Variants in PPFIBP2 observed in about 807,000 individuals in gnomAD.
PPFIBP2 encodes the protein liprin-beta-2.
Under a neutral mutation model 118.3 loss-of-function variants are expected in PPFIBP2, and 118 were observed. The ratio of observed to expected loss-of-function variants is 1.00; its 90% CI spans 0.86 to 1.16. The LOEUF (loss-of-function observed/expected upper bound fraction) is 1.16. PPFIBP2 is among the 50% of genes most tolerant of loss of function. The pLI, the probability that PPFIBP2 is intolerant of heterozygous loss-of-function variation, is 0.00. For missense variants in PPFIBP2, 1,195 were observed against 1,073.1 expected (o/e 1.11, Z -1.59); for synonymous variants, 414 against 397.4 (o/e 1.04, Z -0.50).
intron 2 of PPFIBP2, 70 bp downstream of exon 2, chr11:7,549,609 C>CCTT: frequency 6.1e-6 from 7 of 1,142,966 alleles, no homozygotes; most frequent in Non-Finnish European, 8.1e-6. Flanking sequence ...TCTCCTTTTA[C>CCTT]TTTTTTTTTT....
chr11:7,638,917 A>G (rs190475283), intron 14 of PPFIBP2, among the ~76,000 whole-genome samples: 3 of 152,316 alleles, frequency 2.0e-5, no homozygotes, highest in East Asian at 1.9e-4. Context: ...CGTGCAGACT[A>G]TGATCCTAAG....
At chr11:7,520,563 A>T in intron 1 of PPFIBP2, among the ~76,000 whole-genome samples, 1 of 151,490 alleles carries the variant, frequency 6.6e-6, no homozygotes. Flanking sequence ...CGTGTTTGAA[A>T]TCCTCTGGTG....
intron 2 of PPFIBP2, among the ~76,000 whole-genome samples, chr11:7,562,357 A>T (rs191672425): frequency 6.6e-6 from 1 of 152,306 alleles, no homozygotes; most frequent in East Asian, 1.9e-4. Context: ...GGACTTTTCC[A>T]TAGGGATGAT....
chr11:7,527,743 A>G (rs988558950), intron 1 of PPFIBP2, among the ~76,000 whole-genome samples: 2 of 152,160 alleles, frequency 1.3e-5, no homozygotes, highest in Non-Finnish European at 2.9e-5. Context: ...ATGGGGCTGA[A>G]GGGAATTGCT....
chr11:7,522,979 T>C (rs190015368), intron 1 of PPFIBP2, among the ~76,000 whole-genome samples: 1 of 152,250 alleles, frequency 6.6e-6, no homozygotes, highest in East Asian at 1.9e-4. Flanking sequence ...TCATGAGAAG[T>C]TGCCTCTTAT....
intron 15 of PPFIBP2, chr11:7,641,092 G>A (rs1249638950): frequency 7.9e-7 from 1 of 1,258,274 alleles, no homozygotes; most frequent in East Asian, 5.5e-5. Context: ...AGGTGAGGTG[G>A]AGAGTGAGAA....
rs1565097256 is a variant in PPFIBP2, at chr11:7,634,523, G to A, written c.1165G>A (p.Glu389Lys). ...TCAGAAAAAGCTCTCTTGTAGTCTA[G>A]AAGACTTGAGAAGTGAATCTGTGGA... ...RAQKKLSCSL[E>K]DLRSESVDKC... Residue 389 changes from glutamate to lysine, a missense_variant, in exon 13 of 24, where the codon GAA becomes AAA. By Grantham distance (56) the Glu-to-Lys change is moderately conservative (BLOSUM62 1). Transcript: ENST00000299492. 1 of 1,613,304 alleles carries A rather than the reference G, an allele frequency of 6.2e-7. No individual in the cohort carries two copies. The highest frequency in any genetic ancestry group is 8.5e-7 in the Non-Finnish European group (1 of 1,179,380).
In PPFIBP2 at chr11:7,631,002, G is replaced by T. The variant is rs1850685663; in HGVS notation, c.1042G>T (p.Asp348Tyr). ...GFSKWNATNK[D>Y]PEELFKQEMP... The stretch of plus-strand genomic sequence containing the variant: ...CAGCAAGTGGAACGCTACAAATAAG[G>T]ACCCTGAAGAATTATTTAAACAAGA... The change falls in exon 11 of 24, where the codon GAC (aspartate) becomes TAC (tyrosine). Residue 348 changes from aspartate (D) to tyrosine (Y), a missense_variant. Asp to Tyr is a radical substitution (Grantham distance 160, BLOSUM62 -3). Coordinates refer to ENST00000299492, the MANE Select transcript of PPFIBP2 (RefSeq NM_003621.5). The T allele has an allele frequency of 1.2e-6, 2 of 1,613,504 alleles. No individual in the cohort carries two copies. Among genetic ancestry groups the T allele is most frequent in the Non-Finnish European group, 1.7e-6 (2 of 1,179,570 alleles).
intron 14 of PPFIBP2, 52 bp from the exon 15 acceptor site, chr11:7,639,680 C>T: frequency 2.5e-6 from 4 of 1,611,126 alleles, no homozygotes; most frequent in Non-Finnish European, 2.5e-6. Context: ...GATTTCCTAA[C>T]TGAGGCTGAC....
chr11:7,628,230 C>G, intron 8 of PPFIBP2, 55 bp from the exon 9 acceptor site: 1 of 1,461,480 alleles, frequency 6.8e-7, no homozygotes, highest in Admixed American at 1.7e-5. Context: ...ATAGCAAGTG[C>G]GGATAGCTGT....
intron 3 of PPFIBP2, among the ~76,000 whole-genome samples, chr11:7,589,508 G>T (rs554370073): frequency 1.3e-5 from 2 of 151,934 alleles, no homozygotes; most frequent in South Asian, 2.1e-4. Flanking sequence ...CAGGAGGATC[G>T]CTTGAACCCA....
chr11:7,603,249 T>A (rs1210699563), intron 5 of PPFIBP2, among the ~76,000 whole-genome samples: 1 of 152,238 alleles, frequency 6.6e-6, no homozygotes, highest in Non-Finnish European at 1.5e-5. Context: ...AATGAGTTTC[T>A]TCATGCTTAT....
At position 7,616,418 on chromosome 11, in the gene PPFIBP2, A is replaced by G. The variant is rs566326478; in HGVS notation, c.619-4517A>G. The stretch of plus-strand genomic sequence containing the variant: ...GGGGCCAACTCTATGATGGTTTGCA[A>G]GAAGGGAGGAGACAAAGTAGGGATC... On this transcript the variant is annotated intron_variant, in intron 6 of 23. Transcript: ENST00000299492. The surrounding 1 kb of genome is among the most constrained non-coding windows in gnomAD (Gnocchi z 5.2). Among the ~76,000 whole-genome samples the G allele has an allele frequency of 6.6e-6, 1 of 152,326 alleles. No homozygotes were observed. The highest frequency in any genetic ancestry group is 6.5e-5 in the Admixed American group (1 of 15,300).
chr11:7,565,065 C>T (rs545825301), intron 2 of PPFIBP2, among the ~76,000 whole-genome samples: 27 of 152,132 alleles, frequency 1.8e-4, no homozygotes, highest in African/African-American at 5.5e-4. Flanking sequence ...ACTGTCTAAA[C>T]GTAGTTTATG....
intron 14 of PPFIBP2, among the ~76,000 whole-genome samples, chr11:7,639,303 A>T (rs2135864174): frequency 6.6e-6 from 1 of 152,294 alleles, no homozygotes; most frequent in South Asian, 2.1e-4. Context: ...CAGGATTGTT[A>T]TTTTACATAT....
chr11:7,643,408 G>T (rs982432147), intron 17 of PPFIBP2, among the ~76,000 whole-genome samples: 5 of 152,212 alleles, frequency 3.3e-5, no homozygotes, highest in African/African-American at 1.2e-4. Flanking sequence ...CATGGTTAGG[G>T]AGCTATCTGT....
intron 1 of PPFIBP2, among the ~76,000 whole-genome samples, chr11:7,537,891 C>A (rs1468630239): frequency 3.3e-5 from 5 of 152,130 alleles, no homozygotes; most frequent in African/African-American, 1.2e-4. Flanking sequence ...CTCCCCAAAC[C>A]ATTCTCTGAC....
intron 7 of PPFIBP2, among the ~76,000 whole-genome samples, chr11:7,621,999 T>G (rs1849413496): frequency 6.6e-6 from 1 of 152,220 alleles, no homozygotes; most frequent in Non-Finnish European, 1.5e-5. Context: ...TTTCCTTCCG[T>G]GTATTATTCT....
At chr11:7,561,840 A>AAATT (rs1340924771) in intron 2 of PPFIBP2, among the ~76,000 whole-genome samples, 3 of 152,210 alleles carry the variant, frequency 2.0e-5, no homozygotes, top group Non-Finnish European at 4.4e-5. Context: ...TAGGTCTCTT[A>AAATT]AAGAGTTATA....
Sources: allele counts gnomAD v4.1 joint callset (sites outside exome capture counted in the v4.1 genomes callset), GRCh38; gene constraint gnomAD v4.1.1; non-coding constraint Gnocchi (gnomAD v3.1); transcripts MANE v1.5; gene names NCBI Gene and HGNC (gene_info 2026-07-23, HGNC 2026-07-21).